The following ATP11A variants were observed in gnomAD, a reference collection of about 807,000 sequenced individuals.
ATP11A encodes the protein phospholipid-transporting ATPase IH.
A neutral mutation model predicts 154.4 loss-of-function variants in ATP11A; 81 were observed. The ratio of observed to expected loss-of-function variants is 0.52; its 90% CI spans 0.44 to 0.63. The LOEUF (loss-of-function observed/expected upper bound fraction) is 0.63, where lower values mean the gene tolerates loss of function less well. Among genes scored for constraint, ATP11A ranks in the 30% least tolerant of loss-of-function variants. ATP11A has a pLI of 0.00. For missense variants in ATP11A, 1,316 were observed against 1,474.3 expected, an observed-to-expected ratio of 0.89 and a Z score of 1.76; for synonymous variants, 623 against 585.9, an observed-to-expected ratio of 1.06 and a Z score of -0.91.
chr13:112,880,654 CTG>C (rs1435290627), intron 29 of ATP11A: 11 of 1,289,842 alleles, frequency 8.5e-6, no homozygotes, highest in East Asian at 1.1e-4. Flanking sequence ...CGCTAGGTAA[CTG>C]TGCGGCTGCT....
At chr13:112,794,221 A>T (rs893557079) in intron 2 of ATP11A, among the ~76,000 whole-genome samples, 5 of 152,162 alleles carry the variant, frequency 3.3e-5, no homozygotes, top group African/African-American at 1.2e-4. Context: ...ATTGTATCAC[A>T]GTCGAAGGGC....
chr13:112,784,321 G>T lies in ATP11A; in HGVS notation c.40-814G>T, dbSNP rs76562544. Among the ~76,000 whole-genome samples the T allele has an allele frequency of 5.6e-4, 86 of 152,260 alleles. No individual in the cohort carries two copies. The East Asian group carries it at 0.016, about 29-fold the overall frequency. The stretch of plus-strand genomic sequence containing the variant: ...TGGTAAACTGATATTCACACCGCGG[G>T]CATGTCTTATGGAAAGCTGCCTCTG... On this transcript the variant is annotated intron_variant, in intron 1 of 29. Coordinates refer to ENST00000375645, the MANE Select transcript of ATP11A (RefSeq NM_015205.3).
At chr13:112,794,793 G>A (rs984687961) in intron 2 of ATP11A, among the ~76,000 whole-genome samples, 7 of 152,078 alleles carry the variant, frequency 4.6e-5, no homozygotes, top group Non-Finnish European at 1.0e-4. Flanking sequence ...GCTTGAACCC[G>A]GGAGGCAGAG....
intron 2 of ATP11A, among the ~76,000 whole-genome samples, chr13:112,788,996 T>A (rs1475730690): frequency 6.6e-6 from 1 of 151,874 alleles, no homozygotes; most frequent in Admixed American, 6.6e-5. Flanking sequence ...TAGACATACT[T>A]AATTCACATT....
Position 112,885,440 on chromosome 13 carries a change from A to G in ATP11A, c.*3574A>G, listed in dbSNP as rs748197948. 2.0e-5 allele frequency: 3 copies of G among 152,160 alleles called. No homozygotes were observed. The highest frequency in any genetic ancestry group is 4.4e-5 in the Non-Finnish European group (3 of 68,030). 9.4% of individuals were successfully genotyped at this position (152,160 alleles called of 1,614,324 possible). ...CACAAATGAGTTCCCAGACGTGTAA[A>G]CACACGTGCACACATCGTACACATG... is the stretch of plus-strand genomic sequence containing the variant. On this transcript the variant is annotated 3_prime_UTR_variant, in exon 30 of 30. Transcript: ENST00000375645.
At position 112,693,646 on chromosome 13, in the gene ATP11A, C is replaced by T. The variant is rs143025003; in HGVS notation, c.39+3191C>T. On this transcript the variant is annotated intron_variant, in intron 1 of 29. Transcript: ENST00000375645. ...CCATGAGGTAGTTTGACCTCCATGACGTAACACTTTAAAAGCACTTCTAGG... is the reference window on the plus strand; with the variant it reads ...CCATGAGGTAGTTTGACCTCCATGATGTAACACTTTAAAAGCACTTCTAGG... Among the ~76,000 whole-genome samples, 759 of 152,086 alleles carry T rather than the reference C, an allele frequency of 5.0e-3. 6 individuals are homozygous for T. The highest frequency in any genetic ancestry group is 0.017 in the African/African-American group (720 of 41,456).
chr13:112,872,362 A>G (rs1011627562), intron 26 of ATP11A, among the ~76,000 whole-genome samples: 4 of 152,196 alleles, frequency 2.6e-5, no homozygotes, highest in African/African-American at 9.7e-5. Flanking sequence ...TGTAGTTCCA[A>G]CACTTTGGGA....
chr13:112,728,126 G>A (rs980054698), intron 1 of ATP11A, among the ~76,000 whole-genome samples: 2 of 152,224 alleles, frequency 1.3e-5, no homozygotes, highest in Non-Finnish European at 2.9e-5. Flanking sequence ...CAGGAAAAAG[G>A]CCACAGAGAA....
At chr13:112,763,034 G>T (rs558714950) in intron 1 of ATP11A, among the ~76,000 whole-genome samples, 4 of 152,248 alleles carry the variant, frequency 2.6e-5, no homozygotes, top group Non-Finnish European at 4.4e-5. Context: ...ACGCAGAAAA[G>T]CGCATCCCTG....
chr13:112,749,820 C>T (rs1163269305), intron 1 of ATP11A, among the ~76,000 whole-genome samples: 18 of 127,412 alleles, frequency 1.4e-4, no homozygotes, highest in African/African-American at 5.2e-4. Context: ...TTCAGCCTCT[C>T]GTGAATTTCT....
intron 8 of ATP11A, 47 bp from the exon 9 acceptor site, chr13:112,823,298 C>T (rs746854753): frequency 2.0e-6 from 3 of 1,509,674 alleles, no homozygotes; most frequent in Non-Finnish European, 2.8e-6. Flanking sequence ...CCGCCCTGCC[C>T]ACTTGCCTTC....
chr13:112,797,179 A>C (rs2078021334), intron 2 of ATP11A, among the ~76,000 whole-genome samples: 2 of 149,012 alleles, frequency 1.3e-5, no homozygotes, highest in Non-Finnish European at 3.0e-5. Flanking sequence ...GCTACTTGGG[A>C]GGCTGAGGCA....
intron 15 of ATP11A, 81 bp from the exon 16 acceptor site, chr13:112,836,097 C>A: frequency 2.9e-6 from 3 of 1,046,696 alleles, no homozygotes; most frequent in Non-Finnish European, 4.4e-6. Context: ...AGCCATTCTG[C>A]TGTGGAGAGC....
chr13:112,873,471 T>C, intron 26 of ATP11A, 102 bp from the exon 27 acceptor site: 1 of 829,620 alleles, frequency 1.2e-6, no homozygotes. Context: ...GTCTTGCGTT[T>C]GGTTTAGTTT....
At chr13:112,773,310 T>C (rs1330883007) in intron 1 of ATP11A, among the ~76,000 whole-genome samples, 1 of 152,212 alleles carries the variant, frequency 6.6e-6, no homozygotes, top group East Asian at 1.9e-4. Flanking sequence ...GTTTGCGTGG[T>C]GTCACCCTGC....
At chr13:112,796,521 G>A (rs777419467) in intron 2 of ATP11A, among the ~76,000 whole-genome samples, 1 of 152,188 alleles carries the variant, frequency 6.6e-6, no homozygotes, top group Non-Finnish European at 1.5e-5. Context: ...TCTGCAGGAA[G>A]CAAGAAAAGG....
In ATP11A at chr13:112,883,698, G is replaced by A. The variant is rs2080931568; in HGVS notation, c.*1832G>A. ...TGGCTTGAGCAGACAGAACGGGGAA[G>A]ACTCCACTCTGTCCCGAGGGGCCAG... On this transcript the variant is annotated 3_prime_UTR_variant, in exon 30 of 30. Transcript: ENST00000375645. 6.5e-6 allele frequency: 1 copy of A among 152,680 alleles called. No individual in the cohort carries two copies. Among genetic ancestry groups the A allele is most frequent in the African/African-American group, 2.4e-5 (1 of 41,470 alleles). 9.5% of individuals were successfully genotyped at this position (152,680 alleles called of 1,614,324 possible).
chr13:112,842,391 G>A lies in ATP11A; in HGVS notation c.1809+12G>A, dbSNP rs777236195. On this transcript the variant is annotated intron_variant, in intron 17 of 29. Coordinates refer to ENST00000375645, the MANE Select transcript of ATP11A (RefSeq NM_015205.3). ...AGCGTAACGCAGTGGTGAGAGCCGG[G>A]CTGGGGAGGGCCTCGTGGCGGTCAG... is the stretch of plus-strand genomic sequence containing the variant. The A allele has an allele frequency of 1.9e-6, 3 of 1,583,862 alleles. No individual in the cohort carries two copies. The highest frequency in any genetic ancestry group is 2.7e-5 in the African/African-American group (2 of 74,464).
Position 112,883,244 on chromosome 13 carries a change from C to T in ATP11A, c.*1378C>T. 1 of 398,740 alleles carries T rather than the reference C, an allele frequency of 2.5e-6. No homozygotes were observed. The highest frequency in any genetic ancestry group is 4.4e-6 in the Non-Finnish European group (1 of 226,150). The allele number at this position is 398,740 out of a possible 1,614,324, so 24.7% of individuals were successfully genotyped here. ...GCGCTGCTCTGGGTGGGTTAGCAAC[C>T]CCAGGGCTGCTGTGATAGGAAGTCC... On this transcript the variant is annotated 3_prime_UTR_variant, in exon 30 of 30. Coordinates refer to ENST00000375645, the MANE Select transcript of ATP11A (RefSeq NM_015205.3).
Sources: gnomAD v4.1 joint callset for allele counts (sites outside exome capture counted in the v4.1 genomes callset) on GRCh38, gnomAD v4.1.1 for gene constraint, MANE v1.5 for transcripts, NCBI Gene and HGNC (gene_info 2026-07-23, HGNC 2026-07-21) for gene names.